Variants in TMC1 observed in about 807,000 individuals in gnomAD.
The protein encoded by TMC1 is transmembrane channel like 1.
Under a neutral mutation model 105.8 loss-of-function variants are expected in TMC1, and 84 were observed. The observed-to-expected ratio is 0.79, with a 90% CI of 0.67 to 0.95. The LOEUF (loss-of-function observed/expected upper bound fraction) is 0.95, where lower values mean the gene tolerates loss of function less well. Ranked by LOEUF, TMC1 falls within the 40% of genes least tolerant of loss-of-function variation. The pLI is 0.00. For missense variants in TMC1, 817 were observed against 914.1 expected, an observed-to-expected ratio of 0.89 and a Z score of 1.37; for synonymous variants, 315 against 311.5, an observed-to-expected ratio of 1.01 and a Z score of -0.12.
chr9:72,619,055 C>T (rs1033004996), intron 3 of TMC1, among the ~76,000 whole-genome samples: 10 of 152,122 alleles, frequency 6.6e-5, no homozygotes, highest in Non-Finnish European at 1.5e-4. Context: ...TGGATGTTTT[C>T]AGATACAGAG....
At chr9:72,832,330 C>G (rs1564585020) in intron 23 of TMC1, among the ~76,000 whole-genome samples, 1 of 152,130 alleles carries the variant, frequency 6.6e-6, no homozygotes, top group Non-Finnish European at 1.5e-5. Context: ...AAGCTAAACT[C>G]CTTTCACATT....
chr9:72,581,135 TA>T (rs1179055469), intron 2 of TMC1, among the ~76,000 whole-genome samples: 2 of 152,230 alleles, frequency 1.3e-5, no homozygotes, highest in African/African-American at 2.4e-5. Flanking sequence ...GCCCCATAAA[TA>T]ATGCATAATG....
At chr9:72,667,010 A>C (rs1430322857) in intron 5 of TMC1, among the ~76,000 whole-genome samples, 1 of 152,116 alleles carries the variant, frequency 6.6e-6, no homozygotes, top group African/African-American at 2.4e-5. Flanking sequence ...AGCCCAGGAC[A>C]CAGAGGTTGC....
At chr9:72,627,780 T>A in intron 3 of TMC1, 141 bp from the exon 4 acceptor site, 1 of 305,150 alleles carries the variant, frequency 3.3e-6, no homozygotes, top group Non-Finnish European at 6.5e-6. Flanking sequence ...GGCATCTTTT[T>A]AACAAATCCT....
chr9:72,626,902 C>CCATCA lies in TMC1; in HGVS notation c.-195-1001_-195-997dup, dbSNP rs560658416. ...TTCTACAATTTAATAATGCATTAAA[C>CCATCA]CATCACATCACATCACATCACAAAC... is the stretch of plus-strand genomic sequence containing the variant. On this transcript the variant is annotated intron_variant, in intron 3 of 23. Transcript: ENST00000297784. Among the ~76,000 whole-genome samples the CCATCA allele has an allele frequency of 4.6e-3, 703 of 152,172 alleles. 2 individuals are homozygous for CCATCA. The highest frequency in any genetic ancestry group is 0.016 in the African/African-American group (658 of 41,494).
At chr9:72,611,114 TA>T (rs1431984016) in intron 2 of TMC1, among the ~76,000 whole-genome samples, 1 of 152,226 alleles carries the variant, frequency 6.6e-6, no homozygotes, top group Non-Finnish European at 1.5e-5. Flanking sequence ...TACTTATTTA[TA>T]AGATTTAAAA....
intron 17 of TMC1, among the ~76,000 whole-genome samples, chr9:72,795,387 A>G (rs528050407): frequency 2.0e-5 from 3 of 152,294 alleles, no homozygotes; most frequent in Middle Eastern, 3.4e-3. Context: ...TGTTAAAGAC[A>G]GCCAGAGAGA....
chr9:72,782,499 A>T (rs1251119799), intron 13 of TMC1, among the ~76,000 whole-genome samples: 2 of 152,334 alleles, frequency 1.3e-5, no homozygotes, highest in East Asian at 3.9e-4. Context: ...GCACGCAAAT[A>T]GGAAGAGAGG....
intron 1 of TMC1, among the ~76,000 whole-genome samples, chr9:72,546,685 GCATGCA>G (rs1450493496): frequency 6.6e-6 from 1 of 152,164 alleles, no homozygotes; most frequent in Non-Finnish European, 1.5e-5. Flanking sequence ...GAATTTTAAA[GCATGCA>G]CATTTTTCAA....
rs200872094 is a variant in TMC1 at position 72,607,006 on chromosome 9, G to T, written c.-305-9362G>T. Among the ~76,000 whole-genome samples the T allele has an allele frequency of 5.4e-3, 759 of 140,742 alleles. 4 individuals carry two copies. The highest frequency in any genetic ancestry group is 0.012 in the South Asian group (53 of 4,596). 92.3% of individuals were successfully genotyped at this position (140,742 alleles called of 152,430 possible). A position where few individuals can be genotyped will look rare whatever the true frequency, so the allele number is the denominator to read the frequency against. On this transcript the variant is annotated intron_variant, in intron 2 of 23. Coordinates refer to ENST00000297784, the MANE Select transcript of TMC1 (RefSeq NM_138691.3). ...GCATATATATATATATATATATAGA[G>T]AGAGAGAGAGAGAGAGAGAGAAAGA...
chr9:72,667,433 A>G (rs1406437155), intron 5 of TMC1, among the ~76,000 whole-genome samples: 1 of 152,170 alleles, frequency 6.6e-6, no homozygotes, highest in East Asian at 1.9e-4. Flanking sequence ...CCTTGTTTTC[A>G]TATTTTCAAA....
chr9:72,567,610 T>G (rs929936096), intron 1 of TMC1, among the ~76,000 whole-genome samples: 1 of 152,106 alleles, frequency 6.6e-6, no homozygotes, highest in African/African-American at 2.4e-5. Context: ...CTATCAGATC[T>G]CATGAGACTC....
intron 2 of TMC1, among the ~76,000 whole-genome samples, chr9:72,587,180 T>C (rs1429508080): frequency 6.6e-6 from 1 of 151,112 alleles, no homozygotes; most frequent in African/African-American, 2.4e-5. Flanking sequence ...TTTTTTGACA[T>C]GGAGTTTCAC....
intron 18 of TMC1, among the ~76,000 whole-genome samples, chr9:72,811,818 T>C (rs1344270183): frequency 6.6e-6 from 1 of 152,212 alleles, no homozygotes; most frequent in Non-Finnish European, 1.5e-5. Context: ...CCTTAGTGGA[T>C]TCCCAATCAT....
At chr9:72,665,036 T>C (rs563210240) in intron 5 of TMC1, among the ~76,000 whole-genome samples, 1 of 152,286 alleles carries the variant, frequency 6.6e-6, no homozygotes, top group South Asian at 2.1e-4. Flanking sequence ...CAGCAGTGAC[T>C]GCGCAACAGA....
At chr9:72,824,331 C>A (rs1260286941) in intron 20 of TMC1, among the ~76,000 whole-genome samples, 3 of 152,248 alleles carry the variant, frequency 2.0e-5, no homozygotes, top group Non-Finnish European at 4.4e-5. Context: ...TGTGGGGCAG[C>A]TGCCCTCCAC....
chr9:72,724,268 C>A (rs1455078059), intron 8 of TMC1, among the ~76,000 whole-genome samples: 1 of 152,168 alleles, frequency 6.6e-6, no homozygotes, highest in Non-Finnish European at 1.5e-5. Flanking sequence ...ATGACACTGG[C>A]ACCTGGCAAG....
Position 72,576,779 on chromosome 9 carries a change from C to T in TMC1, c.-427-1123C>T, listed in dbSNP as rs562377440. ...GAGTATCTGGGATTGCAGGCATGCG[C>T]CACCACACCCAGCTAATTTTTTTGT... On this transcript the variant is annotated intron_variant, in intron 1 of 23. Coordinates refer to ENST00000297784, the MANE Select transcript of TMC1 (RefSeq NM_138691.3). Among the ~76,000 whole-genome samples the T allele has an allele frequency of 2.0e-5, 3 of 152,172 alleles. No homozygotes were observed. The South Asian group carries it at 6.2e-4, about 32-fold the overall frequency.
chr9:72,701,397 A>G (rs898759587), intron 8 of TMC1, among the ~76,000 whole-genome samples: 1 of 152,190 alleles, frequency 6.6e-6, no homozygotes, highest in African/African-American at 2.4e-5. Flanking sequence ...ACCCCTGAGG[A>G]TCACACTATA....
Sources: gnomAD v4.1 joint callset for allele counts (sites outside exome capture counted in the v4.1 genomes callset) on GRCh38, gnomAD v4.1.1 for gene constraint, MANE v1.5 for transcripts, NCBI Gene and HGNC (gene_info 2026-07-23, HGNC 2026-07-21) for gene names.